Variants in SPAG16 observed in about 807,000 individuals in gnomAD.
SPAG16 encodes sperm-associated antigen 16 protein.
SPAG16 carries 86 observed loss-of-function variants against 80.4 expected under a neutral mutation model. The observed-to-expected ratio is 1.07, with a 90% CI of 0.90 to 1.28. The LOEUF (loss-of-function observed/expected upper bound fraction) is 1.28. Among genes scored for constraint, SPAG16 ranks in the 50% most tolerant of loss-of-function variants. SPAG16 has a pLI of 0.00. For missense variants in SPAG16, 870 were observed against 765.3 expected (o/e 1.14, Z -1.61); for synonymous variants, 294 against 265.9 (o/e 1.11, Z -1.03).
At chr2:213,822,577 G>C (rs999176557) in intron 10 of SPAG16, among the ~76,000 whole-genome samples, 1 of 152,122 alleles carries the variant, frequency 6.6e-6, no homozygotes, top group Non-Finnish European at 1.5e-5. Flanking sequence ...GCCTGTGCTT[G>C]TGGAATATTA....
intron 12 of SPAG16, among the ~76,000 whole-genome samples, chr2:213,984,353 A>C (rs982237544): frequency 1.3e-5 from 2 of 152,104 alleles, no homozygotes; most frequent in Non-Finnish European, 2.9e-5. Flanking sequence ...TACATCCATA[A>C]GTGCAACCAA....
intron 13 of SPAG16, among the ~76,000 whole-genome samples, chr2:214,098,797 A>C (rs1258208273): frequency 6.6e-6 from 1 of 152,086 alleles, no homozygotes; most frequent in Non-Finnish European, 1.5e-5. Flanking sequence ...GAGCAAATCC[A>C]ATTGCTGATT....
chr2:213,711,615 G>A (rs1201266607), intron 10 of SPAG16, among the ~76,000 whole-genome samples: 1 of 150,892 alleles, frequency 6.6e-6, no homozygotes, highest in African/African-American at 2.4e-5. Context: ...TCCACCTCAG[G>A]TTCAAGCAAT....
At chr2:213,773,822 G>A (rs1446600851) in intron 10 of SPAG16, among the ~76,000 whole-genome samples, 2 of 152,134 alleles carry the variant, frequency 1.3e-5, no homozygotes, top group East Asian at 3.9e-4. Context: ...AAAGTGCTGG[G>A]ATTACAGGCA....
At chr2:213,587,257 T>C (rs2060505684) in intron 10 of SPAG16, among the ~76,000 whole-genome samples, 1 of 152,310 alleles carries the variant, frequency 6.6e-6, no homozygotes, top group South Asian at 2.1e-4. Flanking sequence ...CCCACAACTT[T>C]GCTGGGTACA....
chr2:213,315,698 T>A (rs999651548), intron 4 of SPAG16, among the ~76,000 whole-genome samples: 55 of 151,904 alleles, frequency 3.6e-4, no homozygotes, highest in Non-Finnish European at 5.5e-4. Flanking sequence ...TGAAAACTTT[T>A]TTTTTTTTAA....
chr2:213,611,800 A>C (rs1016926413), intron 10 of SPAG16, among the ~76,000 whole-genome samples: 1 of 152,162 alleles, frequency 6.6e-6, no homozygotes, highest in African/African-American at 2.4e-5. Flanking sequence ...AGAAGTAAAG[A>C]CATCTCTTGT....
intron 9 of SPAG16, among the ~76,000 whole-genome samples, chr2:213,486,607 A>G (rs1471610061): frequency 3.9e-5 from 6 of 152,130 alleles, no homozygotes; most frequent in African/African-American, 1.2e-4. Flanking sequence ...ATGTAAGACT[A>G]TATTTAATTC....
At chr2:213,338,444 T>C (rs895061336) in intron 5 of SPAG16, among the ~76,000 whole-genome samples, 4 of 152,216 alleles carry the variant, frequency 2.6e-5, no homozygotes, top group African/African-American at 4.8e-5. Flanking sequence ...GCAAGATTCA[T>C]TGGTGTGCTG....
chr2:213,599,671 G>T (rs2060996567), intron 10 of SPAG16, among the ~76,000 whole-genome samples: 1 of 152,096 alleles, frequency 6.6e-6, no homozygotes, highest in Non-Finnish European at 1.5e-5. Flanking sequence ...CCGCAAGAAG[G>T]CTATTAGTAG....
At chr2:213,518,902 G>A (rs114105345) in intron 10 of SPAG16, among the ~76,000 whole-genome samples, 8,945 of 152,184 alleles carry the variant, frequency 0.059, 871 homozygotes, top group African/African-American at 0.2. Flanking sequence ...TAAAAAGAAC[G>A]AAATCATGTC....
chr2:213,344,829 G>A lies in SPAG16; in HGVS notation c.644+4559G>A, dbSNP rs573399499. Among the ~76,000 whole-genome samples the A allele has an allele frequency of 1.8e-4, 27 of 152,128 alleles. 1 individual carries two copies. Among genetic ancestry groups the A allele is most frequent in the South Asian group, 1.0e-3 (5 of 4,810 alleles). ...AGTCTTTGCTATTGTGAATAGTGCC[G>A]CAATAAACATAACGTGTGCATGTGT... On this transcript the variant is annotated intron_variant, in intron 6 of 15. Coordinates refer to ENST00000331683, the MANE Select transcript of SPAG16 (RefSeq NM_024532.5).
intron 10 of SPAG16, among the ~76,000 whole-genome samples, chr2:213,491,009 A>G (rs1043672346): frequency 2.0e-5 from 3 of 152,154 alleles, no homozygotes; most frequent in Non-Finnish European, 4.4e-5. Context: ...TGGCATGTGC[A>G]ATCTACTTCC....
chr2:213,299,306 CTT>C (rs879661896), intron 3 of SPAG16, among the ~76,000 whole-genome samples: 14 of 142,636 alleles, frequency 9.8e-5, no homozygotes, highest in Non-Finnish European at 1.2e-4. Flanking sequence ...TTATGATTTC[CTT>C]TTTTTTTTTT....
At chr2:213,527,187 T>A (rs2075916155) in intron 10 of SPAG16, among the ~76,000 whole-genome samples, 1 of 152,216 alleles carries the variant, frequency 6.6e-6, no homozygotes, top group African/African-American at 2.4e-5. Flanking sequence ...GCTACTGATG[T>A]AAAGTTTCTA....
chr2:214,185,841 A>G (rs1271155518), intron 15 of SPAG16, among the ~76,000 whole-genome samples: 1 of 152,124 alleles, frequency 6.6e-6, no homozygotes, highest in African/African-American at 2.4e-5. Flanking sequence ...TACACACCCA[A>G]CAAGATATGC....
intron 11 of SPAG16, among the ~76,000 whole-genome samples, chr2:213,863,273 G>T (rs2662676): frequency 0.93 from 141,175 of 152,160 alleles, 66,420 homozygotes; most frequent in East Asian, 1. Flanking sequence ...GATCTGCTTC[G>T]TTCTAAAACT....
intron 10 of SPAG16, among the ~76,000 whole-genome samples, chr2:213,614,760 A>G (rs935260964): frequency 6.6e-6 from 1 of 152,254 alleles, no homozygotes; most frequent in African/African-American, 2.4e-5. Flanking sequence ...GGACATTAGT[A>G]TAATCTTAAA....
At chr2:213,641,710 G>C (rs2062598250) in intron 10 of SPAG16, among the ~76,000 whole-genome samples, 1 of 152,100 alleles carries the variant, frequency 6.6e-6, no homozygotes, top group African/African-American at 2.4e-5. Context: ...ATTCTCTTGT[G>C]ATCCTTATTT....
Sources: gnomAD v4.1 joint callset for allele counts (sites outside exome capture counted in the v4.1 genomes callset) on GRCh38, gnomAD v4.1.1 for gene constraint, MANE v1.5 for transcripts, NCBI Gene and HGNC (gene_info 2026-07-23, HGNC 2026-07-21) for gene names.